ELAPOR2: variants seen among roughly 807,000 people sequenced by gnomAD.
ELAPOR2 encodes the protein endosome-lysosome associated apoptosis and autophagy regulator family member 2.
ELAPOR2 carries 89 observed loss-of-function variants against 120.7 expected under a neutral mutation model. The ratio of observed to expected loss-of-function variants is 0.74; its 90% CI spans 0.62 to 0.88. The LOEUF (loss-of-function observed/expected upper bound fraction) is 0.88. ELAPOR2 is among the 40% of genes least tolerant of loss of function. The pLI, the probability that ELAPOR2 is intolerant of heterozygous loss-of-function variation, is 0.00. For synonymous variants in ELAPOR2, 444 were observed against 444.9 expected, an observed-to-expected ratio of 1.00 and a Z score of 0.03; for missense variants, 1,134 against 1,251.6, an observed-to-expected ratio of 0.91 and a Z score of 1.42.
chr7:86,974,377 T>C (rs1376973240), intron 1 of ELAPOR2, among the ~76,000 whole-genome samples: 6 of 152,140 alleles, frequency 3.9e-5, no homozygotes, highest in Admixed American at 3.3e-4. Context: ...GTTTGTATCA[T>C]AGCATTATTT....
chr7:86,933,238 G>A (rs1056294376), intron 8 of ELAPOR2, among the ~76,000 whole-genome samples: 9 of 151,820 alleles, frequency 5.9e-5, no homozygotes, highest in African/African-American at 2.2e-4. Context: ...ATATCATTTA[G>A]TCTACAATTC....
In ELAPOR2 at chr7:86,942,039, A is replaced by G. The variant is rs1454845379; in HGVS notation, c.720T>C (p.Asn240=). Residue 240 remains asparagine, a synonymous_variant, in exon 5 of 22, where the codon AAT becomes AAC. Transcript: ENST00000450689. Reference sequence around the variant, plus strand: ...TTACAGAATGAGAGCCCCATTCTCCATTGTCTGTAAGTTTTACCCACTTGT... The same window carrying G: ...TTACAGAATGAGAGCCCCATTCTCCGTTGTCTGTAAGTTTTACCCACTTGT... The part of the protein sequence containing the change: ...TTDKWVKLTD[N]GEWGSHSVML... The G allele has an allele frequency of 1.3e-6, 2 of 1,547,850 alleles. No homozygotes were observed. Among genetic ancestry groups the G allele is most frequent in the South Asian group, 1.2e-5 (1 of 83,938 alleles).
At chr7:86,944,100 T>A (rs948451255) in intron 4 of ELAPOR2, among the ~76,000 whole-genome samples, 1 of 152,076 alleles carries the variant, frequency 6.6e-6, no homozygotes, top group African/African-American at 2.4e-5. Flanking sequence ...AGTACATTTG[T>A]TTCTGAAATC....
rs1367591858 is a variant in ELAPOR2 at position 86,914,703 on chromosome 7, A to G, written c.1731+20T>C. Reference sequence around the variant, plus strand: ...TCATTAGTGTGTTTAAAATTTTAAAAAAAAGTGCTTGGAACTTACATCTTG... The same window carrying G: ...TCATTAGTGTGTTTAAAATTTTAAAGAAAAGTGCTTGGAACTTACATCTTG... On this transcript the variant is annotated intron_variant, in intron 13 of 21. Coordinates refer to ENST00000450689, the MANE Select transcript of ELAPOR2 (RefSeq NM_001142749.3). 1 of 1,588,696 alleles carries G rather than the reference A, an allele frequency of 6.3e-7. No individual in the cohort carries two copies. The highest frequency in any genetic ancestry group is 8.5e-7 in the Non-Finnish European group (1 of 1,170,870).
At chr7:86,898,445 C>A (rs184449404) in intron 18 of ELAPOR2, among the ~76,000 whole-genome samples, 1 of 151,088 alleles carries the variant, frequency 6.6e-6, no homozygotes, top group Non-Finnish European at 1.5e-5. Flanking sequence ...GCCCACATCC[C>A]TGAATACTCT....
At chr7:87,029,023 G>A (rs1462815117) in intron 1 of ELAPOR2, among the ~76,000 whole-genome samples, 4 of 152,148 alleles carry the variant, frequency 2.6e-5, no homozygotes, top group African/African-American at 4.8e-5. Context: ...TTCAAATGCT[G>A]TAACATCCAA....
chr7:86,886,837 G>T (rs1292128515), intron 21 of ELAPOR2, among the ~76,000 whole-genome samples: 1 of 152,070 alleles, frequency 6.6e-6, no homozygotes, highest in Non-Finnish European at 1.5e-5. Flanking sequence ...ATTTATCGAG[G>T]TTCTACTACA....
At chr7:86,988,138 A>T (rs1035891826) in intron 1 of ELAPOR2, among the ~76,000 whole-genome samples, 1 of 152,150 alleles carries the variant, frequency 6.6e-6, no homozygotes, top group Non-Finnish European at 1.5e-5. Context: ...ATACTTGCGA[A>T]CTGAACAATG....
intron 1 of ELAPOR2, among the ~76,000 whole-genome samples, chr7:87,000,371 T>C (rs549737339): frequency 8.0e-5 from 12 of 149,612 alleles, no homozygotes; most frequent in African/African-American, 7.5e-5. Flanking sequence ...AAGAGAAAGT[T>C]CCCAAACCCC....
At chr7:87,042,063 A>C (rs1423733465) in intron 1 of ELAPOR2, among the ~76,000 whole-genome samples, 13 of 150,488 alleles carry the variant, frequency 8.6e-5, no homozygotes, top group Non-Finnish European at 1.5e-5. Flanking sequence ...AGAGCTAACT[A>C]TCCTAAATAT....
chr7:86,993,521 T>C (rs1258786799), intron 1 of ELAPOR2, among the ~76,000 whole-genome samples: 1 of 152,166 alleles, frequency 6.6e-6, no homozygotes, highest in African/African-American at 2.4e-5. Flanking sequence ...TCTAGGTTAT[T>C]AAAATAAGAG....
intron 1 of ELAPOR2, among the ~76,000 whole-genome samples, chr7:86,971,318 A>C (rs1792101535): frequency 6.6e-6 from 1 of 152,174 alleles, no homozygotes; most frequent in Non-Finnish European, 1.5e-5. Context: ...TTCTGTAACC[A>C]TGTATTTCTC....
At chr7:86,905,048 T>A (rs1225147608) in intron 18 of ELAPOR2, among the ~76,000 whole-genome samples, 2 of 129,606 alleles carry the variant, frequency 1.5e-5, no homozygotes, top group African/African-American at 5.8e-5. Flanking sequence ...AATGAATGAA[T>A]GAATGAGAAA....
intron 2 of ELAPOR2, among the ~76,000 whole-genome samples, chr7:86,960,826 T>A (rs577334300): frequency 7.0e-4 from 107 of 152,272 alleles, no homozygotes; most frequent in African/African-American, 2.3e-3. Flanking sequence ...ATAGTGTAAG[T>A]CTGCTTATTT....
chr7:86,971,108 A>G (rs1394567657), intron 1 of ELAPOR2, among the ~76,000 whole-genome samples: 1 of 152,138 alleles, frequency 6.6e-6, no homozygotes, highest in African/African-American at 2.4e-5. Context: ...CAATCGCTGT[A>G]AAAAAACAGG....
intron 12 of ELAPOR2, among the ~76,000 whole-genome samples, chr7:86,916,991 A>C (rs1345220187): frequency 6.7e-5 from 7 of 104,984 alleles, no homozygotes; most frequent in African/African-American, 2.7e-4. Context: ...TTTTGGGTAG[A>C]GATGGGGTTT....
intron 2 of ELAPOR2, among the ~76,000 whole-genome samples, chr7:86,952,763 A>T (rs1010019292): frequency 6.6e-6 from 1 of 152,228 alleles, no homozygotes; most frequent in Non-Finnish European, 1.5e-5. Context: ...TTAGCATATT[A>T]CCTGGCATGC....
intron 1 of ELAPOR2, 94 bp downstream of exon 1, chr7:87,059,231 G>T: frequency 2.4e-6 from 3 of 1,233,936 alleles, no homozygotes; most frequent in East Asian, 3.2e-5. Flanking sequence ...AGGAAAAGGG[G>T]ATGGCAAACA....
intron 8 of ELAPOR2, among the ~76,000 whole-genome samples, chr7:86,933,629 T>C (rs544141348): frequency 1.3e-5 from 2 of 152,102 alleles, no homozygotes; most frequent in African/African-American, 4.8e-5. Context: ...TTCCAGGATG[T>C]TTACCGCCGA....
Sources: allele counts gnomAD v4.1 joint callset (sites outside exome capture counted in the v4.1 genomes callset), GRCh38; gene constraint gnomAD v4.1.1; transcripts MANE v1.5; gene names NCBI Gene and HGNC (gene_info 2026-07-23, HGNC 2026-07-21).